The following CTNND2 variants were observed in gnomAD, a reference collection of about 807,000 sequenced individuals.
The protein encoded by CTNND2 is catenin delta 2.
A neutral mutation model predicts 144.4 loss-of-function variants in CTNND2; 22 were observed. The ratio of observed to expected loss-of-function variants is 0.15; its 90% CI spans 0.11 to 0.22. CTNND2 has a LOEUF of 0.22. Among genes scored for constraint, CTNND2 ranks in the 10% least tolerant of loss-of-function variants. The pLI, the probability that CTNND2 is intolerant of heterozygous loss-of-function variation, is 1.00. For missense variants in CTNND2, 1,353 were observed against 1,618.8 expected (o/e 0.84, Z 2.82); for synonymous variants, 751 against 695.6 (o/e 1.08, Z -1.25).
At chr5:11,304,436 C>T (rs887505726) in intron 9 of CTNND2, among the ~76,000 whole-genome samples, 1 of 152,126 alleles carries the variant, frequency 6.6e-6, no homozygotes, top group African/African-American at 2.4e-5. Flanking sequence ...CCATGCATAA[C>T]ACTACTTCCT....
At chr5:11,809,587 G>A (rs538727889) in intron 1 of CTNND2, among the ~76,000 whole-genome samples, 3 of 152,214 alleles carry the variant, frequency 2.0e-5, no homozygotes, top group East Asian at 3.9e-4. Flanking sequence ...GAGTCAGGGC[G>A]GACCACAGGT....
chr5:11,706,402 C>T (rs1785695636), intron 2 of CTNND2, among the ~76,000 whole-genome samples: 1 of 152,168 alleles, frequency 6.6e-6, no homozygotes, highest in Admixed American at 6.6e-5. Context: ...AACACCAGTG[C>T]TTTCCAAATA....
intron 2 of CTNND2, among the ~76,000 whole-genome samples, chr5:11,574,756 A>AG (rs887278254): frequency 5.8e-4 from 88 of 152,254 alleles, no homozygotes; most frequent in African/African-American, 2.0e-3. Flanking sequence ...GAAGACAGAG[A>AG]GGGGGTGTAC....
intron 10 of CTNND2, among the ~76,000 whole-genome samples, chr5:11,223,956 A>G (rs1236136149): frequency 6.6e-6 from 1 of 152,132 alleles, no homozygotes; most frequent in African/African-American, 2.4e-5. Context: ...GCAGTGGCCC[A>G]CCTGGCCTGG....
At chr5:11,554,639 ACT>A (rs1478174717) in intron 3 of CTNND2, among the ~76,000 whole-genome samples, 2 of 151,988 alleles carry the variant, frequency 1.3e-5, no homozygotes, top group African/African-American at 4.8e-5. Flanking sequence ...TGCTCAATAA[ACT>A]CTGCAATTAT....
chr5:11,550,706 A>T (rs928510248), intron 3 of CTNND2, among the ~76,000 whole-genome samples: 4 of 152,248 alleles, frequency 2.6e-5, no homozygotes, highest in African/African-American at 9.6e-5. Context: ...CTGCTAACAC[A>T]GCAATCTCTG....
chr5:11,250,516 T>TATATAC (rs1184304437), intron 9 of CTNND2, among the ~76,000 whole-genome samples: 112 of 38,256 alleles, frequency 2.9e-3, no homozygotes, highest in African/African-American at 0.02. Context: ...TATATATACA[T>TATATAC]ATATTTTTTT....
chr5:11,168,305 G>C (rs1481399949), intron 11 of CTNND2, among the ~76,000 whole-genome samples: 1 of 152,072 alleles, frequency 6.6e-6, no homozygotes, highest in Non-Finnish European at 1.5e-5. Flanking sequence ...ATCTGCAACT[G>C]GCAATGCAGC....
At position 11,133,121 on chromosome 5, in the gene CTNND2, A is replaced by G. The variant is rs933634592; in HGVS notation, c.2160-15554T>C. On this transcript the variant is annotated intron_variant, in intron 12 of 21. Coordinates refer to ENST00000304623, the MANE Select transcript of CTNND2 (RefSeq NM_001332.4). The stretch of plus-strand genomic sequence containing the variant: ...CCTTGTTTCAGAATGAAAATATCGC[A>G]TATGGAGGTAATGGGAGATGGGGAT... 1.3e-5 allele frequency among the ~76,000 whole-genome samples: 2 copies of G among 152,208 alleles called. 1 individual carries two copies. The highest frequency in any genetic ancestry group is 2.9e-5 in the Non-Finnish European group (2 of 68,040).
At chr5:11,663,975 AC>A (rs1319804277) in intron 2 of CTNND2, among the ~76,000 whole-genome samples, 1 of 152,152 alleles carries the variant, frequency 6.6e-6, no homozygotes, top group Non-Finnish European at 1.5e-5. Context: ...GAAGGTAGAA[AC>A]CATCTCAAGA....
intron 2 of CTNND2, among the ~76,000 whole-genome samples, chr5:11,590,620 T>C (rs1779176510): frequency 6.6e-6 from 1 of 151,774 alleles, no homozygotes; most frequent in Admixed American, 6.6e-5. Context: ...CTTGTGACAA[T>C]ACACCCTCCC....
At chr5:11,817,531 G>T (rs535094334) in intron 1 of CTNND2, among the ~76,000 whole-genome samples, 82 of 151,324 alleles carry the variant, frequency 5.4e-4, no homozygotes, top group Non-Finnish European at 1.0e-3. Context: ...ATTCCCCACA[G>T]GTCAGGCCAA....
chr5:11,474,835 C>A (rs1414436186), intron 3 of CTNND2, among the ~76,000 whole-genome samples: 1 of 152,184 alleles, frequency 6.6e-6, no homozygotes, highest in East Asian at 1.9e-4. Context: ...CACTTGTCGT[C>A]ATTATTACCA....
chr5:11,117,549 T>A lies in CTNND2; in HGVS notation c.2178A>T (p.Gly726=). The change falls in exon 13 of 22, where the codon GGA becomes GGT. Residue 726 remains glycine, a synonymous_variant. Coordinates refer to ENST00000304623, the MANE Select transcript of CTNND2 (RefSeq NM_001332.4). Reference sequence around the variant, plus strand: ...CTCTCATCCTTCTGCGGGCCTCCTCTCCGGCCGAACTAACATTCCTGCAAA... The same window carrying A: ...CTCTCATCCTTCTGCGGGCCTCCTCACCGGCCGAACTAACATTCCTGCAAA... ...TGCLRNVSSA[G]EEARRRMREC... is the part of the protein sequence containing the mutation. 1 of 1,614,112 alleles carries A rather than the reference T, an allele frequency of 6.2e-7. No homozygotes were observed. The highest frequency in any genetic ancestry group is 8.5e-7 in the Non-Finnish European group (1 of 1,179,976).
intron 1 of CTNND2, among the ~76,000 whole-genome samples, chr5:11,831,166 C>T (rs1793879201): frequency 6.7e-6 from 1 of 148,684 alleles, no homozygotes; most frequent in Non-Finnish European, 1.5e-5. Context: ...AAAATTCCGG[C>T]ATATATTTAT....
At chr5:11,513,750 A>G (rs1771870902) in intron 3 of CTNND2, among the ~76,000 whole-genome samples, 1 of 152,096 alleles carries the variant, frequency 6.6e-6, no homozygotes, top group Admixed American at 6.5e-5. Flanking sequence ...CTACAAGTGA[A>G]CCACTCATTT....
chr5:11,647,386 A>G (rs367701292), intron 2 of CTNND2, among the ~76,000 whole-genome samples: 1 of 152,012 alleles, frequency 6.6e-6, no homozygotes, highest in East Asian at 1.9e-4. Flanking sequence ...CGCTGTGTGG[A>G]ATCCAACATC....
intron 8 of CTNND2, among the ~76,000 whole-genome samples, chr5:11,362,635 T>G (rs1756581826): frequency 1.3e-5 from 2 of 152,348 alleles, no homozygotes; most frequent in South Asian, 4.1e-4. Flanking sequence ...GCAGGCTGGG[T>G]TGGGGTCTTG....
intron 1 of CTNND2, among the ~76,000 whole-genome samples, chr5:11,758,351 TA>T (rs1314473857): frequency 2.6e-5 from 4 of 151,848 alleles, no homozygotes; most frequent in African/African-American, 7.2e-5. Flanking sequence ...TTTGTTTGAT[TA>T]AAAAAAATTT....
Sources: gnomAD v4.1 joint callset for allele counts (sites outside exome capture counted in the v4.1 genomes callset) on GRCh38, gnomAD v4.1.1 for gene constraint, MANE v1.5 for transcripts, NCBI Gene and HGNC (gene_info 2026-07-23, HGNC 2026-07-21) for gene names.